The following WWOX variants were observed in gnomAD, a reference collection of about 807,000 sequenced individuals.
WWOX encodes WW domain containing oxidoreductase.
A neutral mutation model predicts 46.2 loss-of-function variants in WWOX; 69 were observed. The ratio of observed to expected loss-of-function variants is 1.49; its 90% CI spans 1.23 to 1.82. WWOX has a LOEUF of 1.82. WWOX is among the 40% of genes most tolerant of loss of function. WWOX has a pLI of 0.00. For missense variants in WWOX, 919 were observed against 542.6 expected (o/e 1.69, Z -6.89); for synonymous variants, 359 against 202.6 (o/e 1.77, Z -6.56).
chr16:78,601,158 T>G (rs898879444), intron 8 of WWOX, among the ~76,000 whole-genome samples: 1 of 152,204 alleles, frequency 6.6e-6, no homozygotes, highest in African/African-American at 2.4e-5. Flanking sequence ...AAACCCAGGT[T>G]GGCCTCTCTG....
chr16:78,539,123 T>C (rs942580492), intron 8 of WWOX, among the ~76,000 whole-genome samples: 1 of 152,238 alleles, frequency 6.6e-6, no homozygotes. Flanking sequence ...CCTGCCTGTC[T>C]GTAGGCCTTT....
At chr16:78,595,541 C>G (rs2045468545) in intron 8 of WWOX, among the ~76,000 whole-genome samples, 1 of 152,186 alleles carries the variant, frequency 6.6e-6, no homozygotes, top group African/African-American at 2.4e-5. Context: ...GTGAGGTCCT[C>G]AATCTCTCCC....
In WWOX at chr16:78,930,102, C is replaced by G. The variant is rs943891836; in HGVS notation, c.1057-281506C>G. Among the ~76,000 whole-genome samples the G allele has an allele frequency of 2.6e-5, 4 of 152,048 alleles. No homozygotes were observed. In the South Asian group the frequency reaches 8.3e-4, roughly 32 times the overall value. ...CCTTCTTCACACTCCTCCTTCCCTT[C>G]CTGCCGTCTGGGATGTGGGGTCTGG... On this transcript the variant is annotated intron_variant, in intron 8 of 8. Coordinates refer to ENST00000566780, the MANE Select transcript of WWOX (RefSeq NM_016373.4).
At chr16:78,385,377 T>G (rs559220284) in intron 5 of WWOX, among the ~76,000 whole-genome samples, 1 of 152,334 alleles carries the variant, frequency 6.6e-6, no homozygotes, top group African/African-American at 2.4e-5. Context: ...CTAGTTAAAT[T>G]AATTAGATAA....
chr16:78,320,815 C>T (rs547004279), intron 5 of WWOX, among the ~76,000 whole-genome samples: 3 of 152,152 alleles, frequency 2.0e-5, no homozygotes, highest in Non-Finnish European at 4.4e-5. Context: ...ACTTTGACAT[C>T]ATCTCATCTG....
chr16:78,870,511 AAAAC>A (rs1347645793), intron 8 of WWOX, among the ~76,000 whole-genome samples: 1 of 152,090 alleles, frequency 6.6e-6, no homozygotes, highest in Non-Finnish European at 1.5e-5. Context: ...GATTAAAAAA[AAAAC>A]AAAAAACCCT....
chr16:78,216,491 G>C (rs931155852), intron 5 of WWOX, among the ~76,000 whole-genome samples: 2 of 151,836 alleles, frequency 1.3e-5, no homozygotes, highest in Non-Finnish European at 2.9e-5. Context: ...GTAGTTGTTG[G>C]CATTTCTTTC....
chr16:78,320,323 G>T (rs934694718), intron 5 of WWOX, among the ~76,000 whole-genome samples: 1 of 152,070 alleles, frequency 6.6e-6, no homozygotes, highest in Non-Finnish European at 1.5e-5. Context: ...TATCCCCTTC[G>T]GTGTAGGTTG....
At chr16:78,855,185 G>T (rs2052538569) in intron 8 of WWOX, among the ~76,000 whole-genome samples, 1 of 152,090 alleles carries the variant, frequency 6.6e-6, no homozygotes, top group Admixed American at 6.5e-5. Context: ...TTGAAAAATA[G>T]ATTACTGTCT....
At chr16:78,249,306 G>T (rs79364654) in intron 5 of WWOX, among the ~76,000 whole-genome samples, 3 of 152,176 alleles carry the variant, frequency 2.0e-5, no homozygotes, top group Non-Finnish European at 2.9e-5. Flanking sequence ...GCCTCACGAG[G>T]TCGCTGATGC....
At chr16:78,434,332 C>T (rs1447274544) in intron 8 of WWOX, among the ~76,000 whole-genome samples, 1 of 152,124 alleles carries the variant, frequency 6.6e-6, no homozygotes, top group Non-Finnish European at 1.5e-5. Flanking sequence ...GTAGGTGGAT[C>T]ACAGGGTTTT....
intron 8 of WWOX, among the ~76,000 whole-genome samples, chr16:78,815,626 A>C (rs2051309736): frequency 6.6e-6 from 1 of 152,186 alleles, no homozygotes; most frequent in Admixed American, 6.5e-5. Flanking sequence ...GTCTCTCTGG[A>C]AGGAAACTTC....
intron 8 of WWOX, among the ~76,000 whole-genome samples, chr16:78,465,219 A>G (rs1385293208): frequency 6.6e-6 from 1 of 152,242 alleles, no homozygotes; most frequent in South Asian, 2.1e-4. Context: ...GTATCATAGA[A>G]TCATAAAAAT....
chr16:79,128,538 C>A (rs771064436), intron 8 of WWOX, among the ~76,000 whole-genome samples: 1 of 152,060 alleles, frequency 6.6e-6, no homozygotes, highest in East Asian at 1.9e-4. Flanking sequence ...AGGAATGGTA[C>A]CATGTCTTGG....
intron 8 of WWOX, among the ~76,000 whole-genome samples, chr16:78,968,740 G>C (rs35280526): frequency 1.3e-5 from 2 of 152,004 alleles, no homozygotes; most frequent in African/African-American, 4.8e-5. Context: ...ATGCTCATTG[G>C]TTTTAGGAAT....
At chr16:78,114,687 T>G (rs1433041363) in intron 3 of WWOX, among the ~76,000 whole-genome samples, 1 of 145,814 alleles carries the variant, frequency 6.9e-6, no homozygotes, top group Non-Finnish European at 1.5e-5. Flanking sequence ...CAAAACCTTC[T>G]CAAGAAGCCT....
chr16:78,540,861 T>C (rs2043875398), intron 8 of WWOX, among the ~76,000 whole-genome samples: 1 of 152,078 alleles, frequency 6.6e-6, no homozygotes, highest in South Asian at 2.1e-4. Flanking sequence ...TGTTTAAAAA[T>C]TTTTCTTAGA....
chr16:78,538,499 C>G lies in WWOX; in HGVS notation c.1056+105747C>G, dbSNP rs8045846. ...TGACTCCATGGATGACCTTTCCGTG[C>G]CTTTGTCTGTAGCCTGCCCTCCTCT... On this transcript the variant is annotated intron_variant, in intron 8 of 8. Transcript: ENST00000566780. Among the ~76,000 whole-genome samples the G allele has an allele frequency of 1.6e-3, 250 of 152,252 alleles. 1 individual carries two copies. The highest frequency in any genetic ancestry group is 5.6e-3 in the African/African-American group (234 of 41,542).
chr16:79,139,341 A>G (rs190624906), intron 8 of WWOX, among the ~76,000 whole-genome samples: 22 of 152,328 alleles, frequency 1.4e-4, no homozygotes, highest in Non-Finnish European at 2.8e-4. Context: ...CCCCGTTGGC[A>G]TGTGGGGATC....
Sources: gnomAD v4.1 joint callset for allele counts (sites outside exome capture counted in the v4.1 genomes callset) on GRCh38, gnomAD v4.1.1 for gene constraint, MANE v1.5 for transcripts, NCBI Gene and HGNC (gene_info 2026-07-23, HGNC 2026-07-21) for gene names.